Variants in HS3ST4 observed in about 807,000 individuals in gnomAD.
HS3ST4 encodes the protein heparan sulfate-glucosamine 3-sulfotransferase 4, also known as heparan sulfate glucosamine 3-O-sulfotransferase 4.
HS3ST4 carries 17 observed loss-of-function variants against 29.2 expected under a neutral mutation model. That is an observed-to-expected ratio of 0.58 (90% confidence interval 0.40 to 0.87). The LOEUF is 0.87. Ranked by LOEUF, HS3ST4 falls within the 40% of genes least tolerant of loss-of-function variation. The pLI is 0.00. For missense variants in HS3ST4, 627 were observed against 634.5 expected (o/e 0.99, Z 0.13); for synonymous variants, 314 against 285.7 (o/e 1.10, Z -1.00).
chr16:26,101,784 T>A (rs558271802), intron 1 of HS3ST4, among the ~76,000 whole-genome samples: 1 of 152,352 alleles, frequency 6.6e-6, no homozygotes, highest in Non-Finnish European at 1.5e-5. Context: ...AATCACTTTT[T>A]GATTCTACAT....
chr16:26,064,868 C>T (rs575963188), intron 1 of HS3ST4, among the ~76,000 whole-genome samples: 34 of 152,194 alleles, frequency 2.2e-4, no homozygotes, highest in African/African-American at 6.5e-4. Flanking sequence ...CCACCTGCTG[C>T]GGCCTCCCAA....
Position 26,074,619 on chromosome 16 carries a change from A to T in HS3ST4, c.735-60993A>T, listed in dbSNP as rs999398815. On this transcript the variant is annotated intron_variant, in intron 1 of 1. Transcript: ENST00000331351. ...AGAAAGGGCTGGTTCCCTATAATAC[A>T]TTGTTTATTTGCTGAATATTTTCCT... Among the ~76,000 whole-genome samples the T allele has an allele frequency of 8.0e-4, 122 of 152,084 alleles. 9 individuals are homozygous for T. The highest frequency in any genetic ancestry group is 4.4e-5 in the Non-Finnish European group (3 of 68,012).
intron 1 of HS3ST4, among the ~76,000 whole-genome samples, chr16:25,713,241 C>T (rs1345454991): frequency 1.3e-5 from 2 of 152,008 alleles, no homozygotes; most frequent in African/African-American, 2.4e-5. Context: ...AAGATCCTGT[C>T]TCCAAGGTCA....
chr16:25,762,333 A>T (rs550923564), intron 1 of HS3ST4, among the ~76,000 whole-genome samples: 1 of 152,270 alleles, frequency 6.6e-6, no homozygotes, highest in South Asian at 2.1e-4. Flanking sequence ...GCCCATACTC[A>T]TCTTCAAAGT....
chr16:25,888,030 C>T (rs111988583), intron 1 of HS3ST4, among the ~76,000 whole-genome samples: 24,223 of 152,056 alleles, frequency 0.16, 2,189 homozygotes, highest in African/African-American at 0.25. Flanking sequence ...TATCCAGTTT[C>T]CCATCAATCA....
At chr16:26,097,411 G>A (rs1898938570) in intron 1 of HS3ST4, among the ~76,000 whole-genome samples, 2 of 152,026 alleles carry the variant, frequency 1.3e-5, no homozygotes, top group Admixed American at 1.3e-4. Flanking sequence ...CAGAACAGAA[G>A]CCTCAGAAAT....
intron 1 of HS3ST4, among the ~76,000 whole-genome samples, chr16:25,760,343 T>C (rs1049773792): frequency 1.3e-5 from 2 of 152,130 alleles, no homozygotes; most frequent in African/African-American, 4.8e-5. Context: ...TGGTCATCCA[T>C]TGGTCTGTAT....
intron 1 of HS3ST4, among the ~76,000 whole-genome samples, chr16:25,890,408 A>G (rs1277519594): frequency 6.6e-6 from 1 of 152,220 alleles, no homozygotes; most frequent in Non-Finnish European, 1.5e-5. Context: ...TGACATAGAG[A>G]CAGAATAAAA....
intron 1 of HS3ST4, among the ~76,000 whole-genome samples, chr16:26,111,851 T>C (rs113394858): frequency 0.11 from 17,400 of 152,044 alleles, 1,352 homozygotes; most frequent in Non-Finnish European, 0.17. Context: ...ACCCCATCTC[T>C]ATTAAAAATA....
At chr16:25,743,431 G>A (rs1966667194) in intron 1 of HS3ST4, among the ~76,000 whole-genome samples, 1 of 152,208 alleles carries the variant, frequency 6.6e-6, no homozygotes, top group Non-Finnish European at 1.5e-5. Flanking sequence ...AAGTTGAGGT[G>A]TAAGTCAATT....
rs562541119 is a variant in HS3ST4, at chr16:25,829,927, G to A, written c.734+136776G>A. Among the ~76,000 whole-genome samples, 234 of 152,218 alleles carry A rather than the reference G, an allele frequency of 1.5e-3. 5 individuals are homozygous for A. In the South Asian group the frequency reaches 0.017, roughly 11 times the overall value. On this transcript the variant is annotated intron_variant, in intron 1 of 1. Transcript: ENST00000331351. ...GAACCTCTGCCTCTGGGGTCCAAGCGAGTCTCCCACCTCAGCCTCCCAAGT... is the reference window on the plus strand; with the variant it reads ...GAACCTCTGCCTCTGGGGTCCAAGCAAGTCTCCCACCTCAGCCTCCCAAGT...
At chr16:25,853,852 G>T (rs532058704) in intron 1 of HS3ST4, among the ~76,000 whole-genome samples, 1 of 152,202 alleles carries the variant, frequency 6.6e-6, no homozygotes, top group Non-Finnish European at 1.5e-5. Context: ...TTTGTATCAG[G>T]GTGGTGCTAG....
chr16:25,799,060 G>A (rs192807823), intron 1 of HS3ST4, among the ~76,000 whole-genome samples: 115 of 152,278 alleles, frequency 7.6e-4, no homozygotes, highest in Admixed American at 7.1e-3. Flanking sequence ...TGAATACCCC[G>A]GTTGTCAAAG....
chr16:25,892,991 A>G (rs963822414), intron 1 of HS3ST4, among the ~76,000 whole-genome samples: 1 of 152,206 alleles, frequency 6.6e-6, no homozygotes, highest in African/African-American at 2.4e-5. Context: ...GATTTGGGTA[A>G]GGGAATACAG....
At chr16:25,982,734 G>A (rs1428251082) in intron 1 of HS3ST4, among the ~76,000 whole-genome samples, 1 of 152,022 alleles carries the variant, frequency 6.6e-6, no homozygotes, top group African/African-American at 2.4e-5. Flanking sequence ...GGAAGCCGAG[G>A]CAGGAGGATC....
At chr16:25,920,508 G>A (rs957017529) in intron 1 of HS3ST4, among the ~76,000 whole-genome samples, 4 of 151,748 alleles carry the variant, frequency 2.6e-5, no homozygotes, top group Middle Eastern at 3.4e-3. Flanking sequence ...GCCCTCCCTG[G>A]TCCCAGGGAC....
At chr16:25,704,568 C>T (rs1036114832) in intron 1 of HS3ST4, among the ~76,000 whole-genome samples, 2 of 152,052 alleles carry the variant, frequency 1.3e-5, no homozygotes, top group African/African-American at 4.8e-5. Flanking sequence ...CAAGTGATCT[C>T]CTGCCTCTAG....
chr16:25,949,160 C>T (rs1042321853), intron 1 of HS3ST4, among the ~76,000 whole-genome samples: 3 of 151,942 alleles, frequency 2.0e-5, no homozygotes, highest in Non-Finnish European at 4.4e-5. Context: ...TATTACACAT[C>T]GTGGAGAATG....
rs534867978 is a variant in HS3ST4 at position 25,951,508 on chromosome 16, A to G, written c.735-184104A>G. ...CTAACATATTATACTAATTGCAGGA[A>G]CTGTCACCTGGTACTATACACCCAA... On this transcript the variant is annotated intron_variant, in intron 1 of 1. Coordinates refer to ENST00000331351, the MANE Select transcript of HS3ST4 (RefSeq NM_006040.3). Among the ~76,000 whole-genome samples the G allele has an allele frequency of 3.2e-4, 49 of 152,328 alleles. No homozygotes were observed. In the South Asian group the frequency reaches 9.1e-3, roughly 28 times the overall value.
Sources: gnomAD v4.1 joint callset for allele counts (sites outside exome capture counted in the v4.1 genomes callset) on GRCh38, gnomAD v4.1.1 for gene constraint, MANE v1.5 for transcripts, NCBI Gene and HGNC (gene_info 2026-07-23, HGNC 2026-07-21) for gene names.